The following ARV1 variants were observed in gnomAD, a reference collection of about 807,000 sequenced individuals.
ARV1 encodes protein ARV1.
Under a neutral mutation model 31.1 loss-of-function variants are expected in ARV1, and 26 were observed. The observed-to-expected ratio is 0.84, with a 90% CI of 0.61 to 1.16. The LOEUF (loss-of-function observed/expected upper bound fraction) is 1.16. ARV1 is among the 50% of genes most tolerant of loss of function. The probability of loss-of-function intolerance (pLI) is 0.00; values close to 1 mark genes in which losing one functional copy is unlikely to be tolerated. For synonymous variants in ARV1, 117 were observed against 123.2 expected (o/e 0.95, Z 0.34); for missense variants, 281 against 324.9 (o/e 0.86, Z 1.04).
chr1:230,983,412 C>CAA (rs386369944), intron 1 of ARV1, among the ~76,000 whole-genome samples: 37,758 of 105,800 alleles, frequency 0.36, 5,836 homozygotes, highest in Middle Eastern at 0.57. Flanking sequence ...GACTCCGTCT[C>CAA]AAAAAAAAAA....
intron 3 of ARV1, among the ~76,000 whole-genome samples, chr1:230,993,108 A>G (rs1239805631): frequency 6.6e-6 from 1 of 152,042 alleles, no homozygotes; most frequent in Non-Finnish European, 1.5e-5. Context: ...TATTTTTTTA[A>G]GAGTGAAGGT....
At chr1:230,989,229 C>T (rs569806811) in intron 2 of ARV1, among the ~76,000 whole-genome samples, 7 of 152,124 alleles carry the variant, frequency 4.6e-5, no homozygotes, top group Non-Finnish European at 1.5e-5. Flanking sequence ...GCCTCTACCT[C>T]CTGGGTTCAA....
At chr1:230,995,619 A>G (rs1679338510) in intron 3 of ARV1, 141 bp from the exon 4 acceptor site, 1 of 660,458 alleles carries the variant, frequency 1.5e-6, no homozygotes, top group African/African-American at 1.8e-5. Flanking sequence ...AAAGAAGAAG[A>G]AAAAGAGATT....
chr1:230,984,471 C>T (rs1395966742), intron 1 of ARV1, among the ~76,000 whole-genome samples: 1 of 149,940 alleles, frequency 6.7e-6, no homozygotes, highest in Admixed American at 6.7e-5. Context: ...AAGGGAAAAG[C>T]AAATAATAGA....
At chr1:230,991,007 T>C (rs1240853423) in intron 3 of ARV1, among the ~76,000 whole-genome samples, 1 of 152,340 alleles carries the variant, frequency 6.6e-6, no homozygotes, top group East Asian at 1.9e-4. Context: ...GTGTATTTAA[T>C]AGGGTTTGGT....
At chr1:230,997,309 C>T (rs1679398650) in intron 5 of ARV1, 42 bp downstream of exon 5, 4 of 1,595,086 alleles carry the variant, frequency 2.5e-6, no homozygotes, top group East Asian at 2.2e-5. Flanking sequence ...GACATGTAGC[C>T]TTCTCAAATA....
In ARV1 at chr1:230,993,332, A is replaced by T. The variant is rs185821930; in HGVS notation, c.449-2428A>T. 2.0e-5 allele frequency among the ~76,000 whole-genome samples: 3 copies of T among 152,272 alleles called. No homozygotes were observed. In the East Asian group the frequency reaches 5.8e-4, roughly 29 times the overall value. ...GTTGGTCTTGAACTCCTGGGCTCAA[A>T]CAGTCCTCCCATATGGGCCTCCCAA... On this transcript the variant is annotated intron_variant, in intron 3 of 5. Coordinates refer to ENST00000310256, the MANE Select transcript of ARV1 (RefSeq NM_022786.3).
intron 1 of ARV1, among the ~76,000 whole-genome samples, chr1:230,987,520 C>T (rs1209504380): frequency 6.6e-6 from 1 of 152,194 alleles, no homozygotes; most frequent in Non-Finnish European, 1.5e-5. Flanking sequence ...ATTGTAATCA[C>T]ATGTGTCTAG....
At position 230,991,714 on chromosome 1, in the gene ARV1, C is replaced by G. The variant is rs548042768; in HGVS notation, c.448+1451C>G. ...TGGCGCGGTCTTGACTCACTGCAACCTCTGCCTCCTGGGTTCAAGCAGTTC... is the reference window on the plus strand; with the variant it reads ...TGGCGCGGTCTTGACTCACTGCAACGTCTGCCTCCTGGGTTCAAGCAGTTC... On this transcript the variant is annotated intron_variant, in intron 3 of 5. Coordinates refer to ENST00000310256, the MANE Select transcript of ARV1 (RefSeq NM_022786.3). 2.6e-5 allele frequency among the ~76,000 whole-genome samples: 4 copies of G among 151,324 alleles called. No homozygotes were observed. The East Asian group carries it at 7.9e-4, about 30-fold the overall frequency.
rs1380819139 is a variant in ARV1, at chr1:231,000,210, C to A, written c.*77C>A. 3 of 152,362 alleles carry A rather than the reference C, an allele frequency of 2.0e-5. No homozygotes were observed. Among genetic ancestry groups the A allele is most frequent in the East Asian group, 3.9e-4 (2 of 5,192 alleles). The allele number at this position is 152,362 out of a possible 1,614,324, so 9.4% of individuals were successfully genotyped here. ...AGAAAAGACATGAAATATAAACCAACCTCCTCATTTCTGTTGAGTAAAATG... is the reference window on the plus strand; with the variant it reads ...AGAAAAGACATGAAATATAAACCAAACTCCTCATTTCTGTTGAGTAAAATG... On this transcript the variant is annotated 3_prime_UTR_variant, in exon 6 of 6. Transcript: ENST00000310256.
intron 1 of ARV1, among the ~76,000 whole-genome samples, chr1:230,988,043 CT>C (rs1679131194): frequency 6.6e-6 from 1 of 152,158 alleles, no homozygotes; most frequent in Admixed American, 6.6e-5. Flanking sequence ...GAATACTTTC[CT>C]GCCTAAACTC....
intron 5 of ARV1, among the ~76,000 whole-genome samples, chr1:230,999,037 A>G (rs1252933989): frequency 6.6e-6 from 1 of 152,004 alleles, no homozygotes; most frequent in Non-Finnish European, 1.5e-5. Context: ...GTCCCTTCCC[A>G]TTAGATCTTT....
At chr1:230,980,016 A>T (rs1157217255) in intron 1 of ARV1, among the ~76,000 whole-genome samples, 1 of 152,204 alleles carries the variant, frequency 6.6e-6, no homozygotes, top group Admixed American at 6.5e-5. Context: ...TTTTTGTCCC[A>T]TTTCAGATCT....
At chr1:230,988,964 G>A (rs910159426) in intron 2 of ARV1, among the ~76,000 whole-genome samples, 2 of 151,818 alleles carry the variant, frequency 1.3e-5, no homozygotes, top group African/African-American at 4.8e-5. Context: ...TAATAGTTTG[G>A]GTAGAGTTGA....
At chr1:230,996,266 C>G (rs909329632) in intron 4 of ARV1, among the ~76,000 whole-genome samples, 3 of 151,928 alleles carry the variant, frequency 2.0e-5, no homozygotes, top group African/African-American at 7.3e-5. Flanking sequence ...TGAATGAGCT[C>G]CTGGGGCTCT....
At position 230,995,830 on chromosome 1, in the gene ARV1, G is replaced by A; in HGVS notation, c.519G>A (p.Lys173=). The change falls in exon 4 of 6, where the codon AAG becomes AAA. Residue 173 remains lysine (K), a synonymous_variant. Transcript: ENST00000310256. ...AACGGCCCATGACGGCAAAAAAAAA[G>A]CCCAACTTCATTTTGCTGCTGAAAG... ...WVERPMTAKK[K]PNFILLLKAL... 1 of 1,613,790 alleles carries A rather than the reference G, an allele frequency of 6.2e-7. No individual in the cohort carries two copies. Among genetic ancestry groups the A allele is most frequent in the Non-Finnish European group, 8.5e-7 (1 of 1,179,922 alleles).
chr1:230,979,387 T>G, intron 1 of ARV1, 108 bp downstream of exon 1: 2 of 1,262,712 alleles, frequency 1.6e-6, no homozygotes, highest in Non-Finnish European at 2.2e-6. Flanking sequence ...GTAGTTGACA[T>G]TCCCGCCCGG....
At chr1:230,984,784 G>A (rs959599648) in intron 1 of ARV1, among the ~76,000 whole-genome samples, 1 of 152,220 alleles carries the variant, frequency 6.6e-6, no homozygotes, top group African/African-American at 2.4e-5. Context: ...GGTACCAGGT[G>A]CAAGGTTCTA....
intron 4 of ARV1, among the ~76,000 whole-genome samples, chr1:230,996,808 T>C (rs1384204528): frequency 6.6e-6 from 1 of 152,200 alleles, no homozygotes; most frequent in Non-Finnish European, 1.5e-5. Flanking sequence ...ACTGTGACAC[T>C]GAAAGTATCA....
Sources: gnomAD v4.1 joint callset for allele counts (sites outside exome capture counted in the v4.1 genomes callset) on GRCh38, gnomAD v4.1.1 for gene constraint, MANE v1.5 for transcripts, NCBI Gene and HGNC (gene_info 2026-07-23, HGNC 2026-07-21) for gene names.